Variants in FCHO2 observed in about 807,000 individuals in gnomAD.
FCHO2 encodes F-BAR domain only protein 2.
Under a neutral mutation model 114.1 loss-of-function variants are expected in FCHO2, and 43 were observed. The ratio of observed to expected loss-of-function variants is 0.38; its 90% confidence interval spans 0.30 to 0.49. The LOEUF is 0.49. Ranked by LOEUF, FCHO2 falls within the 20% of genes least tolerant of loss-of-function variation. FCHO2 has a pLI of 0.97. For missense variants in FCHO2, 807 were observed against 950.4 expected (o/e 0.85, Z 1.98); for synonymous variants, 293 against 315.2 (o/e 0.93, Z 0.75).
chr5:73,063,222 A>G lies in FCHO2; in HGVS notation c.1346-619A>G, dbSNP rs146263422. ...TTAGCAAATGGCATTGAAAAACTCA[A>G]CACTAAATTTATATAGGACTTAGGA... On this transcript the variant is annotated intron_variant, in intron 17 of 25. Transcript: ENST00000430046. Among the ~76,000 whole-genome samples the G allele has an allele frequency of 3.6e-3, 543 of 152,196 alleles. 5 individuals are homozygous for G. The highest frequency in any genetic ancestry group is 0.013 in the African/African-American group (528 of 41,556).
chr5:73,044,855 T>A (rs1363712329), intron 11 of FCHO2, among the ~76,000 whole-genome samples: 2 of 152,124 alleles, frequency 1.3e-5, no homozygotes. Context: ...AAGTTGCCTG[T>A]TCTATTCTTG....
Position 73,022,869 on chromosome 5 carries a change from A to T in FCHO2, c.796+5561A>T, listed in dbSNP as rs746318388. 3.1e-4 allele frequency among the ~76,000 whole-genome samples: 47 copies of T among 152,086 alleles called. 1 individual carries two copies. Among genetic ancestry groups the T allele is most frequent in the Admixed American group, 4.6e-4 (7 of 15,264 alleles). On this transcript the variant is annotated intron_variant, in intron 8 of 25. Coordinates refer to ENST00000430046, the MANE Select transcript of FCHO2 (RefSeq NM_138782.3). Reference sequence around the variant, plus strand: ...CTTGGCTTCAGTTTATTAAGTTCCTACTGTAGACTTTTTCCTCATAGCTGG... The same window carrying T: ...CTTGGCTTCAGTTTATTAAGTTCCTTCTGTAGACTTTTTCCTCATAGCTGG...
In FCHO2 at chr5:73,034,657, G is replaced by A; in HGVS notation, c.797G>A (p.Gly266Asp). ...ESKGTGKERPGLIEFEECDTA... is the reference protein window; with the variant it reads ...ESKGTGKERPDLIEFEECDTA... ...AGTTTTTCAATTTCTTTTTTTCCAG[G>A]CCTCATTGAATTTGAAGAATGTGAC... The change falls in exon 9 of 26, where the codon GGC becomes GAC. Residue 266 changes from glycine to aspartate, a missense_variant and splice_region_variant. Coordinates refer to ENST00000430046, the MANE Select transcript of FCHO2 (RefSeq NM_138782.3). The A allele has an allele frequency of 6.3e-7, 1 of 1,592,736 alleles. No individual in the cohort carries two copies. Among genetic ancestry groups the A allele is most frequent in the South Asian group, 1.2e-5 (1 of 85,456 alleles).
At chr5:72,980,411 A>G (rs1328613728) in intron 2 of FCHO2, among the ~76,000 whole-genome samples, 1 of 152,166 alleles carries the variant, frequency 6.6e-6, no homozygotes, top group Non-Finnish European at 1.5e-5. Context: ...GCTGAGAAGA[A>G]TGTATATTCT....
rs78194918 is a variant in FCHO2, at chr5:73,078,612, A to G, written c.1980+300A>G. 1.5e-3 allele frequency among the ~76,000 whole-genome samples: 232 copies of G among 152,350 alleles called. 7 individuals are homozygous for G. The East Asian group carries it at 0.039, about 25-fold the overall frequency. On this transcript the variant is annotated intron_variant, in intron 22 of 25. Coordinates refer to ENST00000430046, the MANE Select transcript of FCHO2 (RefSeq NM_138782.3). ...CCAAAGTAATCAATTAAAGTTAGGA[A>G]TGGCAAAGATGCCCATTAGTAGATC...
intron 10 of FCHO2, among the ~76,000 whole-genome samples, chr5:73,039,507 T>C (rs1423639023): frequency 6.6e-6 from 1 of 152,256 alleles, no homozygotes; most frequent in Non-Finnish European, 1.5e-5. Context: ...GTTATTATTA[T>C]TATGCCTTTT....
intron 19 of FCHO2, among the ~76,000 whole-genome samples, chr5:73,070,799 A>G (rs1419040481): frequency 1.3e-5 from 2 of 151,896 alleles, no homozygotes; most frequent in Non-Finnish European, 2.9e-5. Context: ...CTTTGCCATG[A>G]TTTTTCAACG....
rs930191725 is a variant in FCHO2, at chr5:73,022,469, A to G, written c.796+5161A>G. Among the ~76,000 whole-genome samples the G allele has an allele frequency of 2.6e-5, 4 of 152,018 alleles. No homozygotes were observed. In the East Asian group the frequency reaches 5.8e-4, roughly 22 times the overall value. On this transcript the variant is annotated intron_variant, in intron 8 of 25. Coordinates refer to ENST00000430046, the MANE Select transcript of FCHO2 (RefSeq NM_138782.3). ...TCTTTTTACTGCTTTTTGCTTTTAT[A>G]TGCCAGTGTCATTTCCTAAGACACT...
At chr5:72,977,078 A>G (rs924896254) in intron 2 of FCHO2, among the ~76,000 whole-genome samples, 2 of 152,288 alleles carry the variant, frequency 1.3e-5, no homozygotes, top group Non-Finnish European at 2.9e-5. Context: ...CAGTGCTGCA[A>G]TAAACATATG....
In FCHO2 at chr5:73,089,014, G is replaced by A. The variant is rs1256483987; in HGVS notation, c.*924G>A. ...TTGTAAATATTTTTGGCCTGCAACT[G>A]GGAAGGGGATTCAGAGTCATAAAGC... On this transcript the variant is annotated 3_prime_UTR_variant, in exon 26 of 26. Transcript: ENST00000430046. 1 of 152,450 alleles carries A rather than the reference G, an allele frequency of 6.6e-6. No homozygotes were observed. Among genetic ancestry groups the A allele is most frequent in the Non-Finnish European group, 1.5e-5 (1 of 67,964 alleles). 9.4% of individuals were successfully genotyped at this position (152,450 alleles called of 1,614,324 possible).
intron 18 of FCHO2, among the ~76,000 whole-genome samples, chr5:73,066,758 G>A (rs933318256): frequency 2.6e-5 from 4 of 151,630 alleles, no homozygotes; most frequent in African/African-American, 9.7e-5. Context: ...GCATCACCAG[G>A]GAATTTGGTA....
chr5:73,050,925 A>C (rs1452310800), intron 11 of FCHO2, among the ~76,000 whole-genome samples: 1 of 152,194 alleles, frequency 6.6e-6, no homozygotes, highest in African/African-American at 2.4e-5. Flanking sequence ...CTGCATAAGG[A>C]GGTGCTAGAT....
intron 14 of FCHO2, 50 bp downstream of exon 14, chr5:73,054,221 A>T (rs1240393628): frequency 7.0e-7 from 1 of 1,422,052 alleles, no homozygotes; most frequent in Non-Finnish European, 9.5e-7. Flanking sequence ...AAATCATTGT[A>T]ATTTTGGAAG....
At chr5:73,023,999 T>TAAGCTCAC (rs1406717756) in intron 8 of FCHO2, among the ~76,000 whole-genome samples, 1 of 152,224 alleles carries the variant, frequency 6.6e-6, no homozygotes, top group Non-Finnish European at 1.5e-5. Flanking sequence ...GAATTACCTT[T>TAAGCTCAC]AAGCTCACTG....
At chr5:73,026,054 C>T (rs74290475) in intron 8 of FCHO2, among the ~76,000 whole-genome samples, 10,675 of 151,712 alleles carry the variant, frequency 0.07, 616 homozygotes, top group East Asian at 0.35. Context: ...CCAGCACTTT[C>T]GGAGGCCGAG....
At chr5:73,051,988 A>G (rs1458369143) in intron 12 of FCHO2, among the ~76,000 whole-genome samples, 3 of 152,024 alleles carry the variant, frequency 2.0e-5, no homozygotes, top group Non-Finnish European at 4.4e-5. Context: ...CAGTGGTGCG[A>G]TCTCGGCTCA....
Position 73,081,978 on chromosome 5 carries a change from A to G in FCHO2, c.2176A>G (p.Ile726Val). ...VTNMQSLPPA[I>V]WNAEQMKAFW... is the part of the protein sequence containing the mutation. ...GAACATGCAGTCCCTTCCCCCTGCA[A>G]TATGGTAAATTAAACATACGTTTCT... The change falls in exon 23 of 26, where the codon ATA becomes GTA. Residue 726 changes from isoleucine (I) to valine (V), a missense_variant. By Grantham distance (29) the Ile-to-Val change is conservative. Coordinates refer to ENST00000430046, the MANE Select transcript of FCHO2 (RefSeq NM_138782.3). The G allele has an allele frequency of 1.3e-6, 2 of 1,496,810 alleles. No homozygotes were observed. The highest frequency in any genetic ancestry group is 1.8e-6 in the Non-Finnish European group (2 of 1,115,966). 92.7% of individuals were successfully genotyped at this position (1,496,810 alleles called of 1,614,324 possible). A position where few individuals can be genotyped will look rare whatever the true frequency, so the allele number is the denominator to read the frequency against.
intron 2 of FCHO2, among the ~76,000 whole-genome samples, chr5:72,984,137 T>C (rs1002399065): frequency 1.3e-5 from 2 of 152,218 alleles, no homozygotes; most frequent in Non-Finnish European, 2.9e-5. Context: ...AATAATGGGA[T>C]GATATATTTT....
At chr5:72,980,632 G>A (rs1045619922) in intron 2 of FCHO2, among the ~76,000 whole-genome samples, 1 of 152,122 alleles carries the variant, frequency 6.6e-6, no homozygotes, top group Non-Finnish European at 1.5e-5. Flanking sequence ...GGGTGCTCCT[G>A]TATTAGGTGC....
Sources: gnomAD v4.1 joint callset for allele counts (sites outside exome capture counted in the v4.1 genomes callset) on GRCh38, gnomAD v4.1.1 for gene constraint, MANE v1.5 for transcripts, NCBI Gene and HGNC (gene_info 2026-07-23, HGNC 2026-07-21) for gene names.